FAM107A: variants seen among roughly 807,000 people sequenced by gnomAD.
The protein encoded by FAM107A is actin-associated protein FAM107A.
FAM107A carries 19 observed loss-of-function variants against 13.7 expected under a neutral mutation model. The ratio of observed to expected loss-of-function variants is 1.38; its 90% CI spans 0.97 to 2.03. The LOEUF (loss-of-function observed/expected upper bound fraction) is 2.03, where lower values mean the gene tolerates loss of function less well. Among genes scored for constraint, FAM107A ranks in the 30% most tolerant of loss-of-function variants. The pLI, the probability that FAM107A is intolerant of heterozygous loss-of-function variation, is 0.00. For synonymous variants in FAM107A, 82 were observed against 74.5 expected, an observed-to-expected ratio of 1.10 and a Z score of -0.52; for missense variants, 203 against 184.4, an observed-to-expected ratio of 1.10 and a Z score of -0.58.
intron 1 of FAM107A, among the ~76,000 whole-genome samples, chr3:58,622,527 T>G (rs2065966184): frequency 6.6e-6 from 1 of 152,214 alleles, no homozygotes; most frequent in Non-Finnish European, 1.5e-5. Context: ...CCCTTCTTCC[T>G]TTCCGTCATC....
rs147851665 is a variant in FAM107A at position 58,614,865 on chromosome 3, G to A, written c.-70+12551C>T. Among the ~76,000 whole-genome samples, 673 of 152,112 alleles carry A rather than the reference G, an allele frequency of 4.4e-3. 5 individuals are homozygous for A. The highest frequency in any genetic ancestry group is 0.015 in the African/African-American group (642 of 41,498). On this transcript the variant is annotated intron_variant, in intron 1 of 3. Coordinates refer to the FAM107A transcript ENST00000465970. Reference sequence around the variant, plus strand: ...TTGCCCAGGCTGGTGGAGTGCAATGGCACGATCTTGGCTCACTGCAACCTC... The same window carrying A: ...TTGCCCAGGCTGGTGGAGTGCAATGACACGATCTTGGCTCACTGCAACCTC...
At chr3:58,573,287 C>A (rs925788843) in intron 1 of FAM107A, among the ~76,000 whole-genome samples, 1 of 152,226 alleles carries the variant, frequency 6.6e-6, no homozygotes, top group African/African-American at 2.4e-5. Context: ...ACCCCCAGGA[C>A]TTAGAAAGCT....
At chr3:58,603,310 A>T (rs528912438) in intron 1 of FAM107A, among the ~76,000 whole-genome samples, 2 of 152,312 alleles carry the variant, frequency 1.3e-5, no homozygotes, top group South Asian at 4.1e-4. Flanking sequence ...TATACTGAAC[A>T]CCTACTATGT....
upstream of FAM107A, among the ~76,000 whole-genome samples, chr3:58,588,003 G>T (rs1437971776): frequency 6.6e-6 from 1 of 152,094 alleles, no homozygotes; most frequent in Non-Finnish European, 1.5e-5. Flanking sequence ...GAACGCAGGT[G>T]GTCCGACTAC....
chr3:58,620,951 C>T (rs2065949220), intron 1 of FAM107A, among the ~76,000 whole-genome samples: 1 of 152,102 alleles, frequency 6.6e-6, no homozygotes, highest in Non-Finnish European at 1.5e-5. Context: ...CCCCACTCCT[C>T]CTCTACACTC....
intron 1 of FAM107A, among the ~76,000 whole-genome samples, chr3:58,596,232 A>G (rs547109074): frequency 6.6e-6 from 1 of 152,126 alleles, no homozygotes; most frequent in East Asian, 1.9e-4. Flanking sequence ...CCTCTTCCCC[A>G]GTTTGTCCTA....
intron 1 of FAM107A, among the ~76,000 whole-genome samples, chr3:58,594,797 C>T (rs1204896480): frequency 1.3e-5 from 2 of 152,066 alleles, no homozygotes; most frequent in Non-Finnish European, 2.9e-5. Context: ...TTGTTTTTAC[C>T]TAAATCAATC....
intron 1 of FAM107A, among the ~76,000 whole-genome samples, chr3:58,609,638 C>G (rs1273787951): frequency 6.6e-6 from 1 of 152,214 alleles, no homozygotes; most frequent in Non-Finnish European, 1.5e-5. Flanking sequence ...CCCCCAACAT[C>G]TCCTACAGCC....
intron 1 of FAM107A, among the ~76,000 whole-genome samples, chr3:58,621,916 T>A (rs1032970114): frequency 6.6e-6 from 1 of 152,222 alleles, no homozygotes; most frequent in Non-Finnish European, 1.5e-5. Flanking sequence ...AGCCTCAGTG[T>A]CTTGACCTGT....
chr3:58,608,323 A>C (rs540254252), intron 1 of FAM107A, among the ~76,000 whole-genome samples: 4 of 152,284 alleles, frequency 2.6e-5, no homozygotes, highest in African/African-American at 9.6e-5. Flanking sequence ...AATTACCTTG[A>C]TAAACAGAAA....
In FAM107A at chr3:58,613,896, C is replaced by T. The variant is rs2065877583; in HGVS notation, c.-70+13520G>A. Reference sequence around the variant, plus strand: ...ACATCTGCCTCAGACAGCCTTCTGGCTCTGGCTCCTGCAGGTGCCACAACT... The same window carrying T: ...ACATCTGCCTCAGACAGCCTTCTGGTTCTGGCTCCTGCAGGTGCCACAACT... On this transcript the variant is annotated intron_variant, in intron 1 of 3. Transcript: ENST00000465970. The surrounding 1 kb of genome is among the most constrained non-coding windows in gnomAD (Gnocchi z 4.6). Among the ~76,000 whole-genome samples the T allele has an allele frequency of 6.6e-6, 1 of 152,262 alleles. No homozygotes were observed. The highest frequency in any genetic ancestry group is 1.5e-5 in the Non-Finnish European group (1 of 68,052).
rs57244654 is a variant in FAM107A, at chr3:58,599,696, A to ATTTTTTTTTTTTTTTTTTTTTTTTTTT, written c.-69-10454_-69-10428dup. ...GTGGTATACTTAAAACAAGTGCACC[A>ATTTTTTTTTTTTTTTTTTTTTTTTTTT]TTTTTTTTTTTTTTTTTTTTTTTTT... On this transcript the variant is annotated intron_variant, in intron 1 of 3. Coordinates refer to the FAM107A transcript ENST00000465970. 5.1e-5 allele frequency among the ~76,000 whole-genome samples: 4 copies of ATTTTTTTTTTTTTTTTTTTTTTTTTTT among 78,596 alleles called. 1 individual carries two copies. Among genetic ancestry groups the ATTTTTTTTTTTTTTTTTTTTTTTTTTT allele is most frequent in the Non-Finnish European group, 8.0e-5 (3 of 37,406 alleles). The allele number at this position is 78,596 out of a possible 152,430, so 51.6% of individuals were successfully genotyped here.
intron 1 of FAM107A, among the ~76,000 whole-genome samples, chr3:58,615,807 G>T (rs1414190495): frequency 1.3e-5 from 2 of 148,874 alleles, no homozygotes; most frequent in African/African-American, 5.0e-5. Flanking sequence ...GAGGTAGGAG[G>T]ATCACTTGAG....
upstream of FAM107A, among the ~76,000 whole-genome samples, chr3:58,587,484 T>A (rs1288233131): frequency 5.7e-4 from 39 of 68,172 alleles, no homozygotes; most frequent in African/African-American, 1.7e-3. Context: ...AGTGTGTGTG[T>A]GTGTGTGTGT....
At chr3:58,593,412 G>A (rs2065670663) in intron 1 of FAM107A, among the ~76,000 whole-genome samples, 1 of 151,978 alleles carries the variant, frequency 6.6e-6, no homozygotes, top group Non-Finnish European at 1.5e-5. Flanking sequence ...TCAACTACTT[G>A]TAAATGCCCT....
chr3:58,594,412 C>T lies in FAM107A; in HGVS notation c.-69-5143G>A, dbSNP rs114737497. Among the ~76,000 whole-genome samples, 1,059 of 152,310 alleles carry T rather than the reference C, an allele frequency of 7.0e-3. 9 individuals carry two copies. The highest frequency in any genetic ancestry group is 0.024 in the African/African-American group (1,006 of 41,572). ...CTCCCCCTCTACCCAGTTGCCCCAT[C>T]AATCCCCAGTACAACCTCTAACGGC... is the stretch of plus-strand genomic sequence containing the variant. On this transcript the variant is annotated intron_variant, in intron 1 of 3. Coordinates refer to the FAM107A transcript ENST00000465970.
At chr3:58,589,338 T>TA, upstream of FAM107A, 1 of 1,027,420 alleles carries the variant, frequency 9.7e-7, no homozygotes, top group Middle Eastern at 2.0e-4. Flanking sequence ...GGGTGATATA[T>TA]TCACAATGTA....
At chr3:58,591,023 C>G (rs187047417), upstream of FAM107A, among the ~76,000 whole-genome samples, 267 of 152,334 alleles carry the variant, frequency 1.8e-3, 1 homozygote, top group Non-Finnish European at 2.3e-3. The surrounding 1 kb of genome is among the most constrained non-coding windows in gnomAD (Gnocchi z 4.3). Flanking sequence ...GTGAGCCTCT[C>G]AAATTCCATC....
upstream of FAM107A, among the ~76,000 whole-genome samples, chr3:58,587,286 GC>G (rs2065617989): frequency 6.6e-6 from 1 of 152,190 alleles, no homozygotes; most frequent in Admixed American, 6.5e-5. Context: ...TTGGCCGCTG[GC>G]CTTGTTGATG....
Sources: gnomAD v4.1 joint callset for allele counts (sites outside exome capture counted in the v4.1 genomes callset) on GRCh38, gnomAD v4.1.1 for gene constraint, Gnocchi (gnomAD v3.1) non-coding constraint, MANE v1.5 for transcripts, NCBI Gene and HGNC (gene_info 2026-07-23, HGNC 2026-07-21) for gene names.